Variants in MYO19 observed in about 807,000 individuals in gnomAD.
The protein encoded by MYO19 is myosin XIX.
MYO19 carries 132 observed loss-of-function variants against 129.2 expected under a neutral mutation model. The observed-to-expected ratio is 1.02, with a 90% CI of 0.89 to 1.18. The LOEUF (loss-of-function observed/expected upper bound fraction) is 1.18, where lower values mean the gene tolerates loss of function less well. Among genes scored for constraint, MYO19 ranks in the 50% most tolerant of loss-of-function variants. The pLI is 0.00. For missense variants in MYO19, 1,210 were observed against 1,216.7 expected (o/e 0.99, Z 0.08); for synonymous variants, 531 against 477.2 (o/e 1.11, Z -1.47).
rs1488056268 is a variant in MYO19 at position 36,527,601 on chromosome 17, G to A, written c.250C>T (p.Leu84Phe). Residue 84 changes from leucine (L) to phenylalanine (F), a missense_variant, in exon 5 of 26, where the codon CTC becomes TTC. Transcript: ENST00000614623. ...ALNPFKPVPQ[L>F]YSPELMREYH... ...TCTCTCATTAGCTCGGGCGAGTAGAGCTGAGGAACAGGCTTGAAGGGGTTC... is the reference window on the plus strand; with the variant it reads ...TCTCTCATTAGCTCGGGCGAGTAGAACTGAGGAACAGGCTTGAAGGGGTTC... The A allele has an allele frequency of 1.2e-6, 2 of 1,614,040 alleles. No individual in the cohort carries two copies. Among genetic ancestry groups the A allele is most frequent in the Non-Finnish European group, 1.7e-6 (2 of 1,179,902 alleles).
At chr17:36,538,768 T>C, upstream of MYO19, 1 of 719,998 alleles carries the variant, frequency 1.4e-6, no homozygotes, top group Non-Finnish European at 2.2e-6. Context: ...TTATTTTTTT[T>C]TTTGAGACAG....
At chr17:36,544,318 C>A (rs2074222376), upstream of MYO19, among the ~76,000 whole-genome samples, 1 of 152,248 alleles carries the variant, frequency 6.6e-6, no homozygotes, top group Admixed American at 6.5e-5. Context: ...CGGGATGCAG[C>A]TACGCAGCGG....
intron 6 of MYO19, among the ~76,000 whole-genome samples, chr17:36,523,261 G>A (rs1046049722): frequency 2.0e-5 from 3 of 151,682 alleles, no homozygotes; most frequent in Admixed American, 1.3e-4. Context: ...TCCTAGGACA[G>A]ATGGGAATCT....
chr17:36,509,446 A>T, intron 13 of MYO19: 1 of 445,314 alleles, frequency 2.2e-6, no homozygotes, highest in Non-Finnish European at 4.1e-6. Flanking sequence ...ATGGCTCGAG[A>T]CCCAGCTAGT....
upstream of MYO19, chr17:36,537,950 G>A (rs1165950778): frequency 1.2e-6 from 2 of 1,614,032 alleles, no homozygotes; most frequent in African/African-American, 1.3e-5. Flanking sequence ...CACTGAAGAG[G>A]TTAATATTAT....
At position 36,515,154 on chromosome 17, in the gene MYO19, G is replaced by A. The variant is rs745425276; in HGVS notation, c.576C>T (p.Asn192=). ...FGNACTLRNN[N]SSRFGKFIQL... is the part of the protein sequence containing the mutation. ...GGATGAACTTCCCAAAGCGACTGCT[G>A]TTGTTATTCCTCAGTGTACACGCAT... The change falls in exon 8 of 26, where the codon AAC becomes AAT. Residue 192 remains asparagine (N), a synonymous_variant. Transcript: ENST00000614623. 5 of 1,612,634 alleles carry A rather than the reference G, an allele frequency of 3.1e-6. No homozygotes were observed. In the South Asian group the frequency reaches 3.3e-5, roughly 11 times the overall value.
Position 36,501,192 on chromosome 17 carries a change from G to C in MYO19, c.2124C>G (p.Ile708Met). The change falls in exon 22 of 26, where the codon ATC becomes ATG. Residue 708 changes from isoleucine (I) to methionine (M), a missense_variant. Physicochemically the swap from Ile to Met is conservative, Grantham distance 10. Coordinates refer to ENST00000614623, the MANE Select transcript of MYO19 (RefSeq NM_001163735.2). ...CCGGCAGAGTGTGGAGAATGTCCTG[G>C]ATGAGAGGTTCAAGCGTGGCTTCCT... is the stretch of plus-strand genomic sequence containing the variant. The part of the protein sequence containing the change: ...HSEEATLEPL[I>M]QDILHTLPVL... 6.2e-6 allele frequency: 10 copies of C among 1,614,014 alleles called. No individual in the cohort carries two copies. Among genetic ancestry groups the C allele is most frequent in the Non-Finnish European group, 8.5e-6 (10 of 1,179,874 alleles).
At chr17:36,532,420 G>A in intron 3 of MYO19, 107 bp downstream of exon 3, 2 of 1,315,776 alleles carry the variant, frequency 1.5e-6, no homozygotes, top group Non-Finnish European at 2.1e-6. Flanking sequence ...ACAATTTGAG[G>A]AGAGAAAAGA....
chr17:36,529,064 G>A (rs2142409476), intron 3 of MYO19, among the ~76,000 whole-genome samples: 1 of 152,192 alleles, frequency 6.6e-6, no homozygotes, highest in Middle Eastern at 3.4e-3. Flanking sequence ...CTTGGCCCGA[G>A]TCTGCTTGAG....
At chr17:36,534,617 G>A (rs980289902) in intron 1 of MYO19, 144 bp downstream of exon 1, 1 of 152,576 alleles carries the variant, frequency 6.6e-6, no homozygotes, top group Non-Finnish European at 1.5e-5. Context: ...AGGGTCAAAA[G>A]GAAAAGGCAA....
At chr17:36,522,445 G>A (rs1290577364) in intron 6 of MYO19, among the ~76,000 whole-genome samples, 4 of 151,396 alleles carry the variant, frequency 2.6e-5, no homozygotes, top group Non-Finnish European at 4.4e-5. Flanking sequence ...AGGAGGCGGA[G>A]GTTGCAGTGA....
chr17:36,512,533 C>T (rs1404315339), intron 11 of MYO19: 6 of 1,070,808 alleles, frequency 5.6e-6, no homozygotes, highest in Middle Eastern at 6.9e-4. Context: ...ACTGCCATGC[C>T]CACCAGGCAG....
intron 3 of MYO19, among the ~76,000 whole-genome samples, chr17:36,531,303 G>A (rs1187449505): frequency 6.7e-6 from 1 of 149,400 alleles, no homozygotes; most frequent in East Asian, 2.0e-4. Context: ...GCTGAGGCAG[G>A]AGAATAGCAT....
At chr17:36,504,616 A>T (rs1040898658) in intron 19 of MYO19, 1 of 156,294 alleles carries the variant, frequency 6.4e-6, no homozygotes, top group African/African-American at 2.4e-5. Flanking sequence ...TAGATTAGAA[A>T]AAAATGATAC....
At position 36,509,019 on chromosome 17, in the gene MYO19, GCT is replaced by G. The variant is rs766119731; in HGVS notation, c.1231+41_1231+42del. 7.6e-5 allele frequency: 119 copies of G among 1,568,286 alleles called. 1 individual carries two copies. In the South Asian group the frequency reaches 1.1e-3, roughly 14 times the overall value. Reference sequence around the variant, plus strand: ...CTGCCTCTCCATCCAGGGCTTTATTGCTCTTTTTCTGGAGTGCTCCCAGCACA... The same window carrying G: ...CTGCCTCTCCATCCAGGGCTTTATTGCTTTTTCTGGAGTGCTCCCAGCACA... On this transcript the variant is annotated intron_variant, in intron 14 of 25. Transcript: ENST00000614623.
chr17:36,535,084 T>C (rs1288117599), upstream of MYO19: 5 of 152,210 alleles, frequency 3.3e-5, no homozygotes, highest in African/African-American at 4.8e-5. Context: ...TGGGGTAAAA[T>C]GAGGGTAAAG....
At chr17:36,520,759 T>C (rs1401252015) in intron 6 of MYO19, among the ~76,000 whole-genome samples, 1 of 152,182 alleles carries the variant, frequency 6.6e-6, no homozygotes, top group Non-Finnish European at 1.5e-5. Context: ...AAGAATACAG[T>C]ATATAAGACA....
chr17:36,527,591 G>A lies in MYO19; in HGVS notation c.260C>T (p.Pro87Leu). The A allele has an allele frequency of 2.5e-6, 4 of 1,613,978 alleles. No homozygotes were observed. The highest frequency in any genetic ancestry group is 3.4e-6 in the Non-Finnish European group (4 of 1,179,886). Residue 87 changes from proline to leucine, a missense_variant, in exon 5 of 26, where the codon CCC becomes CTC. Physicochemically the swap from Pro to Leu is moderately conservative, Grantham distance 98 (BLOSUM62 -3). Transcript: ENST00000614623. ...PFKPVPQLYS[P>L]ELMREYHAAP... is the part of the protein sequence containing the mutation. ...AGCATGGTACTCTCTCATTAGCTCGGGCGAGTAGAGCTGAGGAACAGGCTT... is the reference window on the plus strand; with the variant it reads ...AGCATGGTACTCTCTCATTAGCTCGAGCGAGTAGAGCTGAGGAACAGGCTT...
chr17:36,522,584 T>C (rs1599377816), intron 6 of MYO19, among the ~76,000 whole-genome samples: 1 of 150,780 alleles, frequency 6.6e-6, no homozygotes, highest in East Asian at 2.0e-4. Flanking sequence ...AAGAAAGCCA[T>C]GGAGACTAGG....
Sources: allele counts gnomAD v4.1 joint callset (sites outside exome capture counted in the v4.1 genomes callset), GRCh38; gene constraint gnomAD v4.1.1; transcripts MANE v1.5; gene names NCBI Gene and HGNC (gene_info 2026-07-23, HGNC 2026-07-21).